Variants in LRRC7 observed in about 807,000 individuals in gnomAD.
LRRC7 encodes leucine rich repeat containing 7.
LRRC7 carries 23 observed loss-of-function variants against 175.7 expected under a neutral mutation model. The ratio of observed to expected loss-of-function variants is 0.13; its 90% CI spans 0.09 to 0.19. LRRC7 has a LOEUF of 0.19. Among genes scored for constraint, LRRC7 ranks in the 10% least tolerant of loss-of-function variants. The probability of loss-of-function intolerance (pLI) is 1.00; values close to 1 mark genes in which losing one functional copy is unlikely to be tolerated. For missense variants in LRRC7, 1,354 were observed against 1,904.7 expected, an observed-to-expected ratio of 0.71 and a Z score of 5.38; for synonymous variants, 685 against 680.9, an observed-to-expected ratio of 1.01 and a Z score of -0.09.
chr1:70,086,082 G>A (rs1169646513), intron 24 of LRRC7, among the ~76,000 whole-genome samples: 1 of 151,868 alleles, frequency 6.6e-6, no homozygotes, highest in Non-Finnish European at 1.5e-5. Flanking sequence ...TTTTATTAAG[G>A]AAGGCAGGGA....
At chr1:69,732,402 C>T (rs549702333) in intron 2 of LRRC7, among the ~76,000 whole-genome samples, 30 of 151,986 alleles carry the variant, frequency 2.0e-4, no homozygotes, top group Non-Finnish European at 3.4e-4. Flanking sequence ...AATATGCAGT[C>T]AGTGAGAAAT....
chr1:70,064,953 C>T (rs558259650), intron 23 of LRRC7, among the ~76,000 whole-genome samples: 1 of 151,966 alleles, frequency 6.6e-6, no homozygotes, highest in South Asian at 2.1e-4. Context: ...GAATTTAGTT[C>T]ATTTTGTTAA....
chr1:69,901,353 T>G (rs1445106533), intron 7 of LRRC7, among the ~76,000 whole-genome samples: 1 of 152,232 alleles, frequency 6.6e-6, no homozygotes, highest in East Asian at 1.9e-4. Context: ...CTTCCATGTT[T>G]CTATTAAAGT....
At chr1:69,887,278 T>C (rs1266832017) in intron 7 of LRRC7, among the ~76,000 whole-genome samples, 1 of 127,202 alleles carries the variant, frequency 7.9e-6, no homozygotes, top group Non-Finnish European at 1.6e-5. Context: ...ATTTGGTCTT[T>C]TCACATAGTC....
At chr1:69,938,942 T>C (rs144480489) in intron 8 of LRRC7, among the ~76,000 whole-genome samples, 36 of 147,318 alleles carry the variant, frequency 2.4e-4, no homozygotes, top group Non-Finnish European at 4.9e-4. Flanking sequence ...ACTTGAAACA[T>C]GCTAATTTAC....
Position 69,785,759 on chromosome 1 carries a change from C to A in LRRC7, c.304-6284C>A, listed in dbSNP as rs369655325. 9.2e-5 allele frequency among the ~76,000 whole-genome samples: 14 copies of A among 152,046 alleles called. No homozygotes were observed. The East Asian group carries it at 2.1e-3, about 23-fold the overall frequency. ...TTAATCAGTATCTTTGCCTTCCTCC[C>A]AAACAATGAAAAAATCTGAAAATGT... is the stretch of plus-strand genomic sequence containing the variant. On this transcript the variant is annotated intron_variant, in intron 3 of 26. Coordinates refer to ENST00000651989, the MANE Select transcript of LRRC7 (RefSeq NM_001370785.2).
intron 1 of LRRC7, among the ~76,000 whole-genome samples, chr1:69,618,060 G>A (rs775253425): frequency 2.0e-5 from 3 of 152,196 alleles, no homozygotes; most frequent in Non-Finnish European, 4.4e-5. Flanking sequence ...CTACTACGGT[G>A]GTGGTGGTTT....
rs1557615327 is a variant in LRRC7 at position 69,697,995 on chromosome 1, A to T, written c.100+19517A>T. 2.6e-5 allele frequency among the ~76,000 whole-genome samples: 4 copies of T among 152,326 alleles called. No individual in the cohort carries two copies. The South Asian group carries it at 6.2e-4, about 24-fold the overall frequency. On this transcript the variant is annotated intron_variant, in intron 2 of 26. Coordinates refer to ENST00000651989, the MANE Select transcript of LRRC7 (RefSeq NM_001370785.2). Reference sequence around the variant, plus strand: ...GTCTGAGCTTTGCATCTGTGCTCACATCTTCAGACCCTGCCAATCAGACAA... The same window carrying T: ...GTCTGAGCTTTGCATCTGTGCTCACTTCTTCAGACCCTGCCAATCAGACAA...
intron 25 of LRRC7, among the ~76,000 whole-genome samples, chr1:70,105,238 C>T (rs1558072735): frequency 6.6e-6 from 1 of 152,132 alleles, no homozygotes; most frequent in African/African-American, 2.4e-5. Context: ...TTTCAAACAA[C>T]TAGTTTTCTT....
chr1:69,610,079 C>T (rs1648455443), intron 1 of LRRC7, among the ~76,000 whole-genome samples: 1 of 152,096 alleles, frequency 6.6e-6, no homozygotes. Flanking sequence ...TATAATTTCA[C>T]CAACAAGTGT....
chr1:70,076,025 C>T (rs2102129162), intron 23 of LRRC7, 52 bp from the exon 24 acceptor site: 5 of 1,593,780 alleles, frequency 3.1e-6, no homozygotes, highest in Middle Eastern at 2.3e-4. Flanking sequence ...CTACTTTAAT[C>T]ACATCCTTTC....
At chr1:70,059,956 C>T (rs1160352720) in intron 23 of LRRC7, among the ~76,000 whole-genome samples, 1 of 151,886 alleles carries the variant, frequency 6.6e-6, no homozygotes, top group African/African-American at 2.4e-5. Flanking sequence ...AGAAAAATCA[C>T]CTCAACCTAT....
At chr1:69,672,930 T>C (rs1659286622) in intron 1 of LRRC7, among the ~76,000 whole-genome samples, 1 of 152,214 alleles carries the variant, frequency 6.6e-6, no homozygotes, top group African/African-American at 2.4e-5. Flanking sequence ...AAGCCTTTGA[T>C]TGTGCTTTTC....
At chr1:69,896,110 G>C (rs188407631) in intron 7 of LRRC7, among the ~76,000 whole-genome samples, 5 of 152,154 alleles carry the variant, frequency 3.3e-5, no homozygotes, top group South Asian at 2.1e-4. Context: ...GGTGCCTGAA[G>C]GGGGGCTGCT....
chr1:69,579,625 T>C (rs1646109379), intron 1 of LRRC7, among the ~76,000 whole-genome samples: 1 of 152,170 alleles, frequency 6.6e-6, no homozygotes, highest in Admixed American at 6.5e-5. Flanking sequence ...TTTCAATGAA[T>C]GAATCGTTCC....
chr1:70,087,069 G>C (rs948414054), intron 24 of LRRC7, among the ~76,000 whole-genome samples: 1 of 152,100 alleles, frequency 6.6e-6, no homozygotes, highest in African/African-American at 2.4e-5. Flanking sequence ...ATTTATGTTT[G>C]TTTGTCACAT....
chr1:69,665,228 G>A (rs1658093566), intron 1 of LRRC7, among the ~76,000 whole-genome samples: 2 of 152,046 alleles, frequency 1.3e-5, no homozygotes, highest in Non-Finnish European at 2.9e-5. Context: ...TAATTTAAAG[G>A]CAGGTAATGT....
intron 24 of LRRC7, among the ~76,000 whole-genome samples, chr1:70,083,723 A>T (rs1663394171): frequency 6.6e-6 from 1 of 152,078 alleles, no homozygotes; most frequent in Non-Finnish European, 1.5e-5. Context: ...TACCAAACCT[A>T]CTTCCCCATT....
chr1:69,881,129 C>A (rs186821576), intron 7 of LRRC7, among the ~76,000 whole-genome samples: 90 of 152,264 alleles, frequency 5.9e-4, no homozygotes, highest in Non-Finnish European at 1.1e-3. Context: ...CTTTCTTGAG[C>A]TCTTTGAAAG....
Sources: allele counts gnomAD v4.1 joint callset (sites outside exome capture counted in the v4.1 genomes callset), GRCh38; gene constraint gnomAD v4.1.1; transcripts MANE v1.5; gene names NCBI Gene and HGNC (gene_info 2026-07-23, HGNC 2026-07-21).